The following DLGAP4 variants were observed in gnomAD, a reference collection of about 807,000 sequenced individuals.
The protein encoded by DLGAP4 is DLG associated protein 4.
DLGAP4 carries 18 observed loss-of-function variants against 86.9 expected under a neutral mutation model. That is an observed-to-expected ratio of 0.21 (90% CI 0.14 to 0.31). The LOEUF (loss-of-function observed/expected upper bound fraction) is 0.31. Among genes scored for constraint, DLGAP4 ranks in the 10% least tolerant of loss-of-function variants. The pLI, the probability that DLGAP4 is intolerant of heterozygous loss-of-function variation, is 1.00. For synonymous variants in DLGAP4, 548 were observed against 574.3 expected, an observed-to-expected ratio of 0.95 and a Z score of 0.65; for missense variants, 1,085 against 1,362.6, an observed-to-expected ratio of 0.80 and a Z score of 3.21.
At chr20:36,415,774 A>G (rs2032636186) in intron 2 of DLGAP4, among the ~76,000 whole-genome samples, 3 of 152,096 alleles carry the variant, frequency 2.0e-5, no homozygotes. Context: ...GCAGGCTCCT[A>G]CTCAACCTCC....
intron 1 of DLGAP4, among the ~76,000 whole-genome samples, chr20:36,347,607 C>G (rs782228307): frequency 7.9e-5 from 12 of 151,438 alleles, no homozygotes; most frequent in Non-Finnish European, 1.8e-4. Flanking sequence ...TGACAGGAGA[C>G]CTCAAAATAA....
chr20:36,455,783 G>A (rs187438891), intron 7 of DLGAP4, among the ~76,000 whole-genome samples: 3 of 151,342 alleles, frequency 2.0e-5, no homozygotes, highest in South Asian at 2.1e-4. Context: ...ACCTCCCCCC[G>A]GCACCACACA....
At chr20:36,396,337 G>A (rs1014515453) in intron 2 of DLGAP4, among the ~76,000 whole-genome samples, 10 of 816 alleles carry the variant, frequency 0.012, no homozygotes, top group East Asian at 0.038. Context: ...ACACACACAC[G>A]CACACACACA....
chr20:36,436,555 G>C (rs1480442114), intron 4 of DLGAP4, among the ~76,000 whole-genome samples: 1 of 152,180 alleles, frequency 6.6e-6, no homozygotes, highest in African/African-American at 2.4e-5. Flanking sequence ...GGTGGCTCAC[G>C]CCTGTAATCC....
intron 2 of DLGAP4, among the ~76,000 whole-genome samples, chr20:36,383,234 A>G (rs896473395): frequency 6.6e-6 from 1 of 152,170 alleles, no homozygotes; most frequent in Admixed American, 6.5e-5. Flanking sequence ...TTACTTTGAG[A>G]CCATGTGGGC....
rs1286249694 is a variant in DLGAP4 at position 36,439,776 on chromosome 20, G to T, written c.1264G>T (p.Val422Leu). The T allele has an allele frequency of 6.2e-7, 1 of 1,613,756 alleles. No homozygotes were observed. The highest frequency in any genetic ancestry group is 8.5e-7 in the Non-Finnish European group (1 of 1,179,954). The change falls in exon 5 of 13, where the codon GTG (valine) becomes TTG (leucine). Residue 422 changes from valine to leucine, a missense_variant. This residue lies in a region of DLGAP4 where 1,082 missense variants were observed against 1,344.1 expected (regional missense o/e 0.81). Transcript: ENST00000339266. The part of the protein sequence containing the change: ...PRRSLDRLDS[V>L]DMLLPSKCPS... ...CAGGAGTCTGGACCGCCTGGATTCA[G>T]TGGACATGCTGCTGCCCTCCAAGTG... is the stretch of plus-strand genomic sequence containing the variant.
chr20:36,381,813 G>A (rs75814637), intron 2 of DLGAP4, among the ~76,000 whole-genome samples: 36 of 152,308 alleles, frequency 2.4e-4, no homozygotes, highest in Middle Eastern at 3.4e-3. Context: ...TCCTCTGTAT[G>A]TGTAGGAGGC....
chr20:36,481,448 C>A (rs1245162642), intron 7 of DLGAP4, among the ~76,000 whole-genome samples: 1 of 152,200 alleles, frequency 6.6e-6, no homozygotes, highest in Non-Finnish European at 1.5e-5. Context: ...ACGCTAAGCA[C>A]AACTTTTGGT....
intron 10 of DLGAP4, among the ~76,000 whole-genome samples, chr20:36,521,717 T>G (rs2037389812): frequency 6.6e-6 from 1 of 152,178 alleles, no homozygotes; most frequent in Admixed American, 6.5e-5. Context: ...TTCCTCCTGC[T>G]CTAGTTCCAG....
rs553213606 is a variant in DLGAP4, at chr20:36,321,425, G to A, written c.-304+14913G>A. ...CGGGGGAGTTTCCAGCAAGGCAGTG[G>A]CCAGGTCTGATGTGAGCATAGCTGG... is the stretch of plus-strand genomic sequence containing the variant. On this transcript the variant is annotated intron_variant, in intron 1 of 12. Transcript: ENST00000339266. Among the ~76,000 whole-genome samples, 328 of 152,368 alleles carry A rather than the reference G, an allele frequency of 2.2e-3. 1 individual carries two copies. Among genetic ancestry groups the A allele is most frequent in the South Asian group, 7.7e-3 (37 of 4,830 alleles).
intron 2 of DLGAP4, among the ~76,000 whole-genome samples, chr20:36,420,159 C>A (rs978646673): frequency 6.6e-6 from 1 of 152,216 alleles, no homozygotes; most frequent in African/African-American, 2.4e-5. Flanking sequence ...TCCCCAAGGC[C>A]TTCCACCACT....
chr20:36,438,583 G>A (rs924701220), intron 4 of DLGAP4, among the ~76,000 whole-genome samples: 3 of 150,728 alleles, frequency 2.0e-5, no homozygotes, highest in Admixed American at 2.0e-4. Flanking sequence ...GTAAAGATGG[G>A]GCCTCACTAT....
intron 12 of DLGAP4, among the ~76,000 whole-genome samples, chr20:36,526,503 A>ACTCGGGCTAGTTCCTGCCCGAGT (rs1444287933): frequency 6.6e-6 from 1 of 151,618 alleles, no homozygotes; most frequent in African/African-American, 2.4e-5. Flanking sequence ...TCTGACTGTG[A>ACTCGGGCTAGTTCCTGCCCGAGT]CTCGGGCTAG....
At chr20:36,405,548 A>G in intron 2 of DLGAP4, among the ~76,000 whole-genome samples, 1 of 151,850 alleles carries the variant, frequency 6.6e-6, no homozygotes, top group South Asian at 2.1e-4. Flanking sequence ...AGGGAGACTT[A>G]CTATTCTTTG....
chr20:36,494,984 G>GTTTTTTTT (rs752411826), intron 7 of DLGAP4, among the ~76,000 whole-genome samples: 98 of 75,402 alleles, frequency 1.3e-3, no homozygotes, highest in South Asian at 1.6e-3. Flanking sequence ...TTTTTGTTCG[G>GTTTTTTTT]TTTTTTTTTT....
At chr20:36,515,864 T>C (rs1056719563) in intron 10 of DLGAP4, among the ~76,000 whole-genome samples, 7 of 152,268 alleles carry the variant, frequency 4.6e-5, no homozygotes, top group African/African-American at 1.4e-4. Context: ...CTAAAACATT[T>C]CTAAAAAGTG....
intron 1 of DLGAP4, among the ~76,000 whole-genome samples, chr20:36,315,522 G>A (rs2065090856): frequency 0.017 from 1 of 58 alleles, no homozygotes; most frequent in Non-Finnish European, 0.029. Context: ...AGGCAGGACT[G>A]GAAACTTGGG....
intron 7 of DLGAP4, among the ~76,000 whole-genome samples, chr20:36,490,704 C>T (rs370638270): frequency 6.6e-6 from 1 of 152,222 alleles, no homozygotes; most frequent in South Asian, 2.1e-4. Flanking sequence ...CTCCTTTGCC[C>T]CCTCAGGCAC....
intron 8 of DLGAP4, chr20:36,499,292 A>G: frequency 6.2e-7 from 1 of 1,613,702 alleles, no homozygotes; most frequent in Non-Finnish European, 8.5e-7. Context: ...ACGGACCCAA[A>G]GCGATCGATG....
Sources: allele counts gnomAD v4.1 joint callset (sites outside exome capture counted in the v4.1 genomes callset), GRCh38; gene constraint gnomAD v4.1.1; regional missense constraint gnomAD v4.1.1; transcripts MANE v1.5; gene names NCBI Gene and HGNC (gene_info 2026-07-23, HGNC 2026-07-21).